Variants in ZFHX4 observed in about 807,000 individuals in gnomAD.
The protein encoded by ZFHX4 is zinc finger homeobox 4, also known as zinc finger homeobox protein 4.
ZFHX4 carries 56 observed loss-of-function variants against 267.6 expected under a neutral mutation model. The ratio of observed to expected loss-of-function variants is 0.21; its 90% CI spans 0.17 to 0.26. The LOEUF (loss-of-function observed/expected upper bound fraction) is 0.26, where lower values mean the gene tolerates loss of function less well. ZFHX4 is among the 10% of genes least tolerant of loss of function. The pLI, the probability that ZFHX4 is intolerant of heterozygous loss-of-function variation, is 1.00. For synonymous variants in ZFHX4, 1,778 were observed against 1,665.6 expected (o/e 1.07, Z -1.64); for missense variants, 4,332 against 4,420.0 (o/e 0.98, Z 0.56).
At chr8:76,700,984 C>CT (rs2131598783) in intron 1 of ZFHX4, among the ~76,000 whole-genome samples, 1 of 152,088 alleles carries the variant, frequency 6.6e-6, no homozygotes, top group African/African-American at 2.4e-5. Context: ...TTTTTGTGGT[C>CT]TTTTTTACTG....
chr8:76,820,210 A>G (rs544411652), intron 4 of ZFHX4, among the ~76,000 whole-genome samples: 1 of 152,344 alleles, frequency 6.6e-6, no homozygotes, highest in South Asian at 2.1e-4. Flanking sequence ...AATGATTTTA[A>G]AAATTCAATT....
At chr8:76,807,891 T>A (rs1440905199) in intron 4 of ZFHX4, among the ~76,000 whole-genome samples, 4 of 152,142 alleles carry the variant, frequency 2.6e-5, no homozygotes, top group Non-Finnish European at 5.9e-5. Context: ...TATTCATCCA[T>A]ACTATATAAT....
chr8:76,747,487 C>T (rs1171662818), intron 3 of ZFHX4, among the ~76,000 whole-genome samples: 1 of 152,118 alleles, frequency 6.6e-6, no homozygotes, highest in African/African-American at 2.4e-5. Context: ...CACGTGTTCT[C>T]AAGTTAACCT....
chr8:76,821,530 T>A (rs1811648802), intron 4 of ZFHX4, among the ~76,000 whole-genome samples: 1 of 151,074 alleles, frequency 6.6e-6, no homozygotes, highest in Non-Finnish European at 1.5e-5. Context: ...TTCTGAGATT[T>A]TTTTTTTTTT....
In ZFHX4 at chr8:76,853,406, T is replaced by C. The variant is rs1812604975; in HGVS notation, c.6485T>C (p.Met2162Thr). 6.2e-7 allele frequency: 1 copy of C among 1,613,760 alleles called. No homozygotes were observed. Among genetic ancestry groups the C allele is most frequent in the African/African-American group, 1.3e-5 (1 of 74,926 alleles). Residue 2162 changes from methionine to threonine, a missense_variant, in exon 10 of 11, where the codon ATG becomes ACG. By Grantham distance (81) the Met-to-Thr change is moderately conservative (BLOSUM62 -1). Coordinates refer to ENST00000651372, the MANE Select transcript of ZFHX4 (RefSeq NM_024721.5). ...NSPSEEQIQEMAEKSGLSQKV... is the reference protein window; with the variant it reads ...NSPSEEQIQETAEKSGLSQKV... ...CCAAGTGAAGAACAGATCCAGGAAA[T>C]GGCAGAGAAATCTGGCCTCTCCCAA...
At chr8:76,693,902 C>T (rs1007935347) in intron 1 of ZFHX4, among the ~76,000 whole-genome samples, 1 of 152,192 alleles carries the variant, frequency 6.6e-6, no homozygotes, top group African/African-American at 2.4e-5. Flanking sequence ...TGGCTCACCT[C>T]TGATTTATTC....
chr8:76,768,000 G>A lies in ZFHX4; in HGVS notation c.3094-10208G>A, dbSNP rs981546132. 2.6e-5 allele frequency among the ~76,000 whole-genome samples: 4 copies of A among 152,244 alleles called. No individual in the cohort carries two copies. The East Asian group carries it at 7.7e-4, about 29-fold the overall frequency. ...GGTATTTTTTGTTTGTTTTAAAGGA[G>A]GACAAGGATACCTCTGGTTGTAACA... On this transcript the variant is annotated intron_variant, in intron 3 of 10. Coordinates refer to ENST00000651372, the MANE Select transcript of ZFHX4 (RefSeq NM_024721.5).
chr8:76,772,988 C>T (rs1810307139), intron 3 of ZFHX4, among the ~76,000 whole-genome samples: 1 of 152,058 alleles, frequency 6.6e-6, no homozygotes, highest in Non-Finnish European at 1.5e-5. Flanking sequence ...GGAAAAACCT[C>T]GTTGTATGAG....
At chr8:76,835,991 C>T (rs1420348597) in intron 5 of ZFHX4, among the ~76,000 whole-genome samples, 1 of 152,120 alleles carries the variant, frequency 6.6e-6, no homozygotes, top group Non-Finnish European at 1.5e-5. Context: ...TTGTTCTCCT[C>T]TTTTCTCCAT....
rs73690865 is a variant in ZFHX4, at chr8:76,705,563, C to T, written c.1475C>T (p.Thr492Ile). ...GACGAGGAAGTATTAGGTGAACTCA[C>T]CGATAGTATTGGTAACAAAGATTTC... ...LDDEEVLGEL[T>I]DSIGNKDFPL... is the part of the protein sequence containing the mutation. The change falls in exon 2 of 11, where the codon ACC becomes ATC. Residue 492 changes from threonine (T) to isoleucine (I), a missense_variant. By Grantham distance (89) the Thr-to-Ile change is moderately conservative (BLOSUM62 -1). Around this residue, in one of 7 missense-constraint regions of ZFHX4, gnomAD observed 1,195 missense variants for 1,173.6 expected, o/e 1.02. Transcript: ENST00000651372. The T allele has an allele frequency of 6.2e-4, 1,007 of 1,613,602 alleles. 6 individuals carry two copies. In the African/African-American group the frequency reaches 0.012, roughly 19 times the overall value.
At chr8:76,776,756 A>G (rs2131767305) in intron 3 of ZFHX4, among the ~76,000 whole-genome samples, 1 of 152,310 alleles carries the variant, frequency 6.6e-6, no homozygotes, top group Admixed American at 6.5e-5. Flanking sequence ...AATTTTGAGA[A>G]TGACGCTTTA....
rs569871238 is a variant in ZFHX4 at position 76,795,704 on chromosome 8, G to C, written c.3325+17265G>C. 2.0e-5 allele frequency among the ~76,000 whole-genome samples: 3 copies of C among 151,904 alleles called. No individual in the cohort carries two copies. In the East Asian group the frequency reaches 5.8e-4, roughly 29 times the overall value. ...ATTATAGGCATGCACCACCACACCC[G>C]GCTAATCTTGTTTTTAGTAGAGACG... is the stretch of plus-strand genomic sequence containing the variant. On this transcript the variant is annotated intron_variant, in intron 4 of 10. Transcript: ENST00000651372.
At chr8:76,860,186 A>T (rs1018331809) in intron 10 of ZFHX4, among the ~76,000 whole-genome samples, 2 of 152,028 alleles carry the variant, frequency 1.3e-5, no homozygotes, top group African/African-American at 4.8e-5. Flanking sequence ...TTATAGGCTT[A>T]TTTATCTTAC....
intron 4 of ZFHX4, among the ~76,000 whole-genome samples, chr8:76,825,316 A>T (rs1421200103): frequency 6.6e-6 from 1 of 152,222 alleles, no homozygotes; most frequent in Non-Finnish European, 1.5e-5. Context: ...CACATATAGA[A>T]TCCTGAATGT....
In ZFHX4 at chr8:76,849,625, C is replaced by G; in HGVS notation, c.3759C>G (p.Asp1253Glu). Residue 1253 changes from aspartate to glutamate, a missense_variant, in exon 8 of 11, where the codon GAC (aspartate) becomes GAG (glutamate). Physicochemically the swap from Asp to Glu is conservative, Grantham distance 45. This residue lies in a region of ZFHX4 where 1,371 missense variants were observed against 1,423.1 expected (regional missense o/e 0.96). Transcript: ENST00000651372. The part of the protein sequence containing the change: ...QPVICCPLCQ[D>E]VLSNKMHLQL... ...TCATCTGCTGTCCTCTCTGTCAGGA[C>G]GTCCTCAGCAACAAAATGCATCTCC... is the stretch of plus-strand genomic sequence containing the variant. 1 of 1,613,934 alleles carries G rather than the reference C, an allele frequency of 6.2e-7. No individual in the cohort carries two copies. The highest frequency in any genetic ancestry group is 8.5e-7 in the Non-Finnish European group (1 of 1,179,858).
chr8:76,861,929 C>T (rs1361863612), intron 10 of ZFHX4, among the ~76,000 whole-genome samples: 1 of 151,974 alleles, frequency 6.6e-6, no homozygotes, highest in Non-Finnish European at 1.5e-5. Flanking sequence ...TTCCGCCCAC[C>T]AGACCTCCAT....
chr8:76,849,434 C>A, intron 7 of ZFHX4, 78 bp from the exon 8 acceptor site: 3 of 1,328,804 alleles, frequency 2.3e-6, no homozygotes, highest in African/African-American at 1.5e-5. Context: ...ATCACACGTA[C>A]CCCCAAAATA....
rs1812539507 is a variant in ZFHX4 at position 76,851,948 on chromosome 8, C to T, written c.5027C>T (p.Pro1676Leu). ...DAKELNKKQT[P>L]DLISAQPAHH... The stretch of plus-strand genomic sequence containing the variant: ...AAAGAATTAAATAAAAAGCAAACTC[C>T]TGATTTAATCTCTGCTCAACCTGCA... The change falls in exon 10 of 11, where the codon CCT becomes CTT. Residue 1676 changes from proline to leucine, a missense_variant. By Grantham distance (98) the Pro-to-Leu change is moderately conservative. Transcript: ENST00000651372. 1.2e-6 allele frequency: 2 copies of T among 1,613,948 alleles called. No individual in the cohort carries two copies. The highest frequency in any genetic ancestry group is 8.5e-7 in the Non-Finnish European group (1 of 1,179,852).
chr8:76,776,075 T>G (rs1003479865), intron 3 of ZFHX4, among the ~76,000 whole-genome samples: 3 of 151,858 alleles, frequency 2.0e-5, no homozygotes, highest in Non-Finnish European at 4.4e-5. Context: ...CCTTGCTCCT[T>G]TTATTGGTAC....
Sources: gnomAD v4.1 joint callset for allele counts (sites outside exome capture counted in the v4.1 genomes callset) on GRCh38, gnomAD v4.1.1 for gene constraint, gnomAD v4.1.1 regional missense constraint, MANE v1.5 for transcripts, NCBI Gene and HGNC (gene_info 2026-07-23, HGNC 2026-07-21) for gene names.